HDAC9: variants seen among roughly 807,000 people sequenced by gnomAD.
The protein encoded by HDAC9 is MEF-2 interacting transcription repressor (MITR) protein.
A neutral mutation model predicts 139.4 loss-of-function variants in HDAC9; 41 were observed. That is an observed-to-expected ratio of 0.29 (90% CI 0.23 to 0.38). HDAC9 has a LOEUF of 0.38. Among genes scored for constraint, HDAC9 ranks in the 10% least tolerant of loss-of-function variants. The pLI is 1.00. For missense variants in HDAC9, 1,147 were observed against 1,297.0 expected, an observed-to-expected ratio of 0.88 and a Z score of 1.78; for synonymous variants, 517 against 476.2, an observed-to-expected ratio of 1.09 and a Z score of -1.12.
intron 1 of HDAC9, among the ~76,000 whole-genome samples, chr7:18,344,693 A>G (rs1303508176): frequency 6.6e-6 from 1 of 151,974 alleles, no homozygotes; most frequent in Non-Finnish European, 1.5e-5. Flanking sequence ...AAAAATTTGC[A>G]ATTTGTTCAA....
intron 2 of HDAC9, among the ~76,000 whole-genome samples, chr7:18,241,070 G>T (rs968009374): frequency 1.3e-5 from 2 of 152,112 alleles, no homozygotes; most frequent in African/African-American, 4.8e-5. Flanking sequence ...GGCTTCCCAG[G>T]TTCTAGAATT....
intron 17 of HDAC9, among the ~76,000 whole-genome samples, chr7:18,819,313 C>A (rs1456655279): frequency 1.3e-5 from 2 of 152,022 alleles, no homozygotes; most frequent in Non-Finnish European, 2.9e-5. Context: ...ATTTTAAAAA[C>A]CAACAAAAAA....
At chr7:18,307,960 C>T (rs904785243) in intron 1 of HDAC9, among the ~76,000 whole-genome samples, 1 of 152,134 alleles carries the variant, frequency 6.6e-6, no homozygotes. Flanking sequence ...CTCCATCTGA[C>T]TAGATATACT....
intron 14 of HDAC9, among the ~76,000 whole-genome samples, chr7:18,749,607 C>T (rs1788274662): frequency 6.6e-6 from 1 of 152,160 alleles, no homozygotes; most frequent in Non-Finnish European, 1.5e-5. Context: ...GTGTTTATAA[C>T]TTGATGAAGG....
chr7:18,898,081 T>C (rs1801375931), intron 22 of HDAC9, among the ~76,000 whole-genome samples: 1 of 151,928 alleles, frequency 6.6e-6, no homozygotes, highest in Non-Finnish European at 1.5e-5. Flanking sequence ...CAACTGACCT[T>C]GTAAAGCACC....
intron 2 of HDAC9, among the ~76,000 whole-genome samples, chr7:18,537,810 G>A (rs1811392124): frequency 6.6e-6 from 1 of 152,122 alleles, no homozygotes; most frequent in African/African-American, 2.4e-5. Flanking sequence ...CTACTTAGTG[G>A]CCACAGACAT....
chr7:18,896,024 C>A (rs574363288), intron 22 of HDAC9, among the ~76,000 whole-genome samples: 1 of 152,138 alleles, frequency 6.6e-6, no homozygotes, highest in South Asian at 2.1e-4. Flanking sequence ...CAAAAAGGAG[C>A]AGCTGCAGTT....
intron 2 of HDAC9, among the ~76,000 whole-genome samples, chr7:18,265,728 C>T (rs1795951720): frequency 1.3e-5 from 2 of 151,994 alleles, no homozygotes; most frequent in Non-Finnish European, 2.9e-5. Flanking sequence ...GCAGTGTTTG[C>T]ATTGTTGCAA....
chr7:18,411,427 TG>T (rs1314136720), intron 1 of HDAC9, among the ~76,000 whole-genome samples: 3 of 152,178 alleles, frequency 2.0e-5, no homozygotes, highest in Admixed American at 2.0e-4. Context: ...CAGGCTGGAG[TG>T]CAGTGGCGTG....
intron 13 of HDAC9, among the ~76,000 whole-genome samples, chr7:18,735,770 G>A (rs1197094627): frequency 2.0e-5 from 3 of 152,166 alleles, no homozygotes; most frequent in African/African-American, 7.2e-5. Flanking sequence ...ATTCTGTGAA[G>A]AAAGTCAATA....
chr7:18,097,982 A>T (rs1186642712), intron 1 of HDAC9, among the ~76,000 whole-genome samples: 1 of 152,204 alleles, frequency 6.6e-6, no homozygotes. Flanking sequence ...TTTCAAATTT[A>T]TTATAATCTG....
chr7:18,784,191 A>C (rs548854020), intron 16 of HDAC9, among the ~76,000 whole-genome samples: 83 of 152,030 alleles, frequency 5.5e-4, no homozygotes, highest in Non-Finnish European at 1.1e-3. Flanking sequence ...ATTCCAATAC[A>C]TATAAGACAA....
intron 2 of HDAC9, among the ~76,000 whole-genome samples, chr7:18,185,362 A>T (rs1789823475): frequency 6.6e-6 from 1 of 152,224 alleles, no homozygotes; most frequent in African/African-American, 2.4e-5. Context: ...TAAACCTCCA[A>T]GGTAATTATA....
chr7:18,534,056 AC>A (rs1223650292), intron 2 of HDAC9, among the ~76,000 whole-genome samples: 3 of 152,254 alleles, frequency 2.0e-5, no homozygotes, highest in African/African-American at 7.2e-5. Flanking sequence ...TGCACTTTAT[AC>A]TTTTTCTCTG....
At chr7:18,668,120 T>C (rs980168880) in intron 12 of HDAC9, 14 of 887,898 alleles carry the variant, frequency 1.6e-5, no homozygotes, top group Non-Finnish European at 1.8e-5. Flanking sequence ...AATATTTCTT[T>C]AAAAATGTTA....
At chr7:18,342,080 T>A (rs954921524) in intron 1 of HDAC9, among the ~76,000 whole-genome samples, 6 of 151,816 alleles carry the variant, frequency 4.0e-5, no homozygotes, top group Non-Finnish European at 8.8e-5. Context: ...TTTAGGCTTA[T>A]TCTTTCCCTA....
intron 21 of HDAC9, among the ~76,000 whole-genome samples, chr7:18,840,428 T>C (rs1460926442): frequency 6.6e-6 from 1 of 152,022 alleles, no homozygotes; most frequent in African/African-American, 2.4e-5. Flanking sequence ...GCACTGAGGT[T>C]GTCAGTATGC....
intron 1 of HDAC9, among the ~76,000 whole-genome samples, chr7:18,397,887 A>G (rs899525553): frequency 1.3e-5 from 2 of 152,132 alleles, no homozygotes; most frequent in African/African-American, 4.8e-5. Context: ...CATTTTAACA[A>G]TGTCACAAAG....
At chr7:18,688,714 A>G (rs1782455553) in intron 12 of HDAC9, among the ~76,000 whole-genome samples, 1 of 151,940 alleles carries the variant, frequency 6.6e-6, no homozygotes, top group Non-Finnish European at 1.5e-5. Flanking sequence ...CCACCGAAAA[A>G]CTAGAAGAAG....
Sources: allele counts gnomAD v4.1 joint callset (sites outside exome capture counted in the v4.1 genomes callset), GRCh38; gene constraint gnomAD v4.1.1; transcripts MANE v1.5; gene names NCBI Gene and HGNC (gene_info 2026-07-23, HGNC 2026-07-21).